XIRP2: variants seen among roughly 807,000 people sequenced by gnomAD.
XIRP2 encodes the protein xin actin binding repeat containing 2, also known as xin actin-binding repeat-containing protein 2.
A neutral mutation model predicts 277.0 loss-of-function variants in XIRP2; 236 were observed. The ratio of observed to expected loss-of-function variants is 0.85; its 90% CI spans 0.77 to 0.95. The LOEUF (loss-of-function observed/expected upper bound fraction) is 0.95, where lower values mean the gene tolerates loss of function less well. Among genes scored for constraint, XIRP2 ranks in the 40% least tolerant of loss-of-function variants. XIRP2 has a pLI of 0.00. For synonymous variants in XIRP2, 1,490 were observed against 1,416.5 expected (o/e 1.05, Z -1.17); for missense variants, 4,640 against 4,157.5 (o/e 1.12, Z -3.19).
intron 9 of XIRP2, among the ~76,000 whole-genome samples, chr2:167,253,785 A>T (rs1695581307): frequency 6.6e-6 from 1 of 151,732 alleles, no homozygotes; most frequent in African/African-American, 2.4e-5. Context: ...ATGTTTTTTT[A>T]AATCATAAAT....
chr2:167,245,233 ACTTTTT>A lies in XIRP2; in HGVS notation c.3846_3851del (p.Phe1282_Ser1283del), dbSNP rs1695212557. On this transcript the variant is annotated inframe_deletion, in exon 9 of 11. Coordinates refer to ENST00000409195, the MANE Select transcript of XIRP2 (RefSeq NM_152381.6). The stretch of plus-strand genomic sequence containing the variant: ...AAGAAAGGGGTGCTTTATTTTTGAG[ACTTTTT>A]CTTTAGATGAGATTAAAGAAGAATC... 6.2e-7 allele frequency: 1 copy of A among 1,613,650 alleles called. No individual in the cohort carries two copies. The highest frequency in any genetic ancestry group is 1.7e-5 in the Admixed American group (1 of 59,972).
At chr2:167,213,934 A>C (rs1298822025) in intron 4 of XIRP2, among the ~76,000 whole-genome samples, 1 of 151,960 alleles carries the variant, frequency 6.6e-6, no homozygotes, top group African/African-American at 2.4e-5. Context: ...TACTACTATT[A>C]AAAATAATCC....
intron 2 of XIRP2, among the ~76,000 whole-genome samples, chr2:167,135,292 G>C (rs111557218): frequency 0.03 from 4,592 of 152,040 alleles, 76 homozygotes; most frequent in East Asian, 0.05. Flanking sequence ...ATACAATAAG[G>C]AATGCTAGAC....
chr2:167,057,099 C>G (rs1689054566), intron 2 of XIRP2, among the ~76,000 whole-genome samples: 1 of 152,092 alleles, frequency 6.6e-6, no homozygotes, highest in Non-Finnish European at 1.5e-5. Flanking sequence ...GTCCAAGGAT[C>G]ACTAAATATT....
chr2:167,191,516 G>A (rs1693335329), intron 3 of XIRP2, among the ~76,000 whole-genome samples: 1 of 151,964 alleles, frequency 6.6e-6, no homozygotes, highest in Non-Finnish European at 1.5e-5. Flanking sequence ...TTTTCTTGCA[G>A]TAGCTTTTTG....
intron 2 of XIRP2, among the ~76,000 whole-genome samples, chr2:167,134,212 T>G (rs1691469365): frequency 6.6e-6 from 1 of 151,280 alleles, no homozygotes; most frequent in Admixed American, 6.6e-5. Context: ...TATATATTCA[T>G]GTATATTCAT....
At chr2:166,988,014 T>C (rs878874282) in intron 2 of XIRP2, among the ~76,000 whole-genome samples, 45 of 152,112 alleles carry the variant, frequency 3.0e-4, no homozygotes, top group Admixed American at 2.1e-3. Flanking sequence ...TCCAGAGCAA[T>C]TGGGGCAGAA....
chr2:167,068,036 A>G (rs1198949477), intron 2 of XIRP2, among the ~76,000 whole-genome samples: 4 of 152,106 alleles, frequency 2.6e-5, no homozygotes, highest in Non-Finnish European at 5.9e-5. Flanking sequence ...CTCCAATTTA[A>G]GTTATATTAG....
intron 2 of XIRP2, among the ~76,000 whole-genome samples, chr2:167,068,031 A>G (rs1051232055): frequency 1.3e-5 from 2 of 152,152 alleles, no homozygotes; most frequent in African/African-American, 4.8e-5. Flanking sequence ...TGAAACTCCA[A>G]TTTAAGTTAT....
chr2:166,971,407 T>C (rs1396385272), intron 2 of XIRP2, among the ~76,000 whole-genome samples: 1 of 152,018 alleles, frequency 6.6e-6, no homozygotes, highest in Non-Finnish European at 1.5e-5. Context: ...AAGTAACTTA[T>C]TGGGCCTATG....
At chr2:166,931,815 T>G (rs1173631476) in intron 2 of XIRP2, among the ~76,000 whole-genome samples, 6 of 152,188 alleles carry the variant, frequency 3.9e-5, no homozygotes, top group Non-Finnish European at 7.4e-5. Context: ...CACAATTCCT[T>G]GCTTATGTTT....
chr2:167,229,018 C>T (rs1049529949), intron 5 of XIRP2, among the ~76,000 whole-genome samples: 8 of 152,116 alleles, frequency 5.3e-5, no homozygotes, highest in Non-Finnish European at 8.8e-5. Context: ...ATCACAAGGC[C>T]CTGAGTTGTT....
chr2:166,982,763 A>G (rs1686908439), intron 2 of XIRP2, among the ~76,000 whole-genome samples: 1 of 152,130 alleles, frequency 6.6e-6, no homozygotes, highest in Admixed American at 6.5e-5. Flanking sequence ...GTTCCTGTAC[A>G]TAAACTACTT....
chr2:166,952,939 A>G (rs1686072630), intron 2 of XIRP2, among the ~76,000 whole-genome samples: 1 of 152,032 alleles, frequency 6.6e-6, no homozygotes. Flanking sequence ...GATGTGGACA[A>G]TATCAAAATT....
intron 2 of XIRP2, among the ~76,000 whole-genome samples, chr2:167,038,626 T>C (rs1364275710): frequency 6.6e-6 from 1 of 151,734 alleles, no homozygotes; most frequent in African/African-American, 2.4e-5. Flanking sequence ...CTTATACAAA[T>C]AGTAAACCTA....
intron 2 of XIRP2, among the ~76,000 whole-genome samples, chr2:166,928,903 T>C (rs980694934): frequency 3.3e-5 from 5 of 151,852 alleles, no homozygotes; most frequent in Admixed American, 1.3e-4. Flanking sequence ...CCAGGGGGAG[T>C]AATTCTTGGG....
intron 2 of XIRP2, among the ~76,000 whole-genome samples, chr2:166,926,961 G>A (rs1685204024): frequency 6.6e-6 from 1 of 152,078 alleles, no homozygotes; most frequent in Non-Finnish European, 1.5e-5. Context: ...AGTTATTCCT[G>A]GGAATGGGAG....
At chr2:167,232,405 T>C (rs1046237140) in intron 5 of XIRP2, among the ~76,000 whole-genome samples, 1 of 151,316 alleles carries the variant, frequency 6.6e-6, no homozygotes, top group Non-Finnish European at 1.5e-5. Flanking sequence ...CCTTCTCTCT[T>C]TGAGTAACCC....
rs1254635801 is a variant in XIRP2, at chr2:167,214,089, AGAAAGAAG to A, written c.723+3198_723+3205del. On this transcript the variant is annotated intron_variant, in intron 4 of 10. Transcript: ENST00000409195. ...AAAATAGAAAGGAAGGAAGGAAGAA[AGAAAGAAG>A]GAAGGAAGGAAGGAAGGAAGGAAGG... is the stretch of plus-strand genomic sequence containing the variant. Among the ~76,000 whole-genome samples the A allele has an allele frequency of 8.6e-5, 7 of 81,186 alleles. 1 individual carries two copies. The highest frequency in any genetic ancestry group is 4.5e-4 in the African/African-American group (7 of 15,486). 53.3% of individuals were successfully genotyped at this position (81,186 alleles called of 152,430 possible).
Sources: gnomAD v4.1 joint callset for allele counts (sites outside exome capture counted in the v4.1 genomes callset) on GRCh38, gnomAD v4.1.1 for gene constraint, MANE v1.5 for transcripts, NCBI Gene and HGNC (gene_info 2026-07-23, HGNC 2026-07-21) for gene names.